The following MBP variants were observed in gnomAD, a reference collection of about 807,000 sequenced individuals.
MBP encodes Golli-MBP.
Under a neutral mutation model 35.8 loss-of-function variants are expected in MBP, and 16 were observed. That is an observed-to-expected ratio of 0.45 (90% CI 0.30 to 0.68). The LOEUF (loss-of-function observed/expected upper bound fraction) is 0.68. Ranked by LOEUF, MBP falls within the 30% of genes least tolerant of loss-of-function variation. The probability of loss-of-function intolerance (pLI) is 0.08; values close to 1 mark genes in which losing one functional copy is unlikely to be tolerated. For missense variants in MBP, 380 were observed against 404.7 expected (o/e 0.94, Z 0.52); for synonymous variants, 143 against 159.6 (o/e 0.90, Z 0.78).
intron 3 of MBP, among the ~76,000 whole-genome samples, chr18:77,032,579 C>T (rs1972584690): frequency 6.6e-6 from 1 of 152,240 alleles, no homozygotes; most frequent in South Asian, 2.1e-4. Flanking sequence ...GCCAGTCACC[C>T]CTGTGAGGCT....
At chr18:77,112,318 T>A (rs1432475194) in intron 1 of MBP, among the ~76,000 whole-genome samples, 1 of 152,170 alleles carries the variant, frequency 6.6e-6, no homozygotes, top group East Asian at 1.9e-4. Context: ...ACTCCTTCCG[T>A]CATCCCGTTC....
chr18:77,033,980 G>T (rs891434616), intron 3 of MBP, among the ~76,000 whole-genome samples: 3 of 143,108 alleles, frequency 2.1e-5, no homozygotes, highest in African/African-American at 8.1e-5. Context: ...GCTCCCCACT[G>T]CACCCCTCAT....
At chr18:77,121,637 A>G (rs995437040) in intron 1 of MBP, among the ~76,000 whole-genome samples, 2 of 152,248 alleles carry the variant, frequency 1.3e-5, no homozygotes, top group African/African-American at 4.8e-5. Flanking sequence ...AAGAGTCATC[A>G]TCTCCCTTTA....
At chr18:77,039,715 T>C (rs1972908058) in intron 3 of MBP, among the ~76,000 whole-genome samples, 1 of 152,148 alleles carries the variant, frequency 6.6e-6, no homozygotes, top group Non-Finnish European at 1.5e-5. Flanking sequence ...AGTTGTTTCT[T>C]AGACAAAAAC....
intron 3 of MBP, among the ~76,000 whole-genome samples, chr18:77,026,954 T>C (rs550710958): frequency 6.6e-6 from 1 of 152,300 alleles, no homozygotes; most frequent in Admixed American, 6.5e-5. Context: ...CAATGAAAAT[T>C]ACCATCCCTC....
At chr18:77,067,767 C>T (rs1054515386) in intron 2 of MBP, 14 of 490,328 alleles carry the variant, frequency 2.9e-5, no homozygotes, top group Non-Finnish European at 8.2e-6. Context: ...TCTCTCATTT[C>T]CTGGGAGCCT....
intron 3 of MBP, among the ~76,000 whole-genome samples, chr18:77,043,601 G>A (rs1299386051): frequency 1.3e-5 from 2 of 152,342 alleles, no homozygotes; most frequent in East Asian, 1.9e-4. Flanking sequence ...ACTCAGCAGC[G>A]TGGACGTCTC....
chr18:77,020,959 G>A lies in MBP; in HGVS notation c.140-3691C>T, dbSNP rs1262460036. Among the ~76,000 whole-genome samples the A allele has an allele frequency of 6.6e-6, 1 of 152,238 alleles. No individual in the cohort carries two copies. Among genetic ancestry groups the A allele is most frequent in the East Asian group, 1.9e-4 (1 of 5,198 alleles). On this transcript the variant is annotated intron_variant, in intron 3 of 8. Transcript: ENST00000355994. This position sits in a 1 kb window ranked among gnomAD's most constrained non-coding sequence, Gnocchi z 4.1. ...GTGAGGAAAAGATGTTTCTCATGTG[G>A]TTTGGTTCACACTAAAAATACTTTG...
intron 3 of MBP, among the ~76,000 whole-genome samples, chr18:77,042,361 C>T (rs1479306938): frequency 6.6e-6 from 1 of 152,212 alleles, no homozygotes; most frequent in East Asian, 1.9e-4. Context: ...GAGCCCATGG[C>T]GTGTCCCACT....
intron 3 of MBP, among the ~76,000 whole-genome samples, chr18:77,048,273 T>C (rs1447673038): frequency 6.6e-6 from 1 of 152,222 alleles, no homozygotes; most frequent in African/African-American, 2.4e-5. Flanking sequence ...TTCTGAGGAC[T>C]GTGCAGAGGT....
chr18:76,984,651 C>T, intron 8 of MBP, 124 bp downstream of exon 8: 10 of 1,370,288 alleles, frequency 7.3e-6, no homozygotes, highest in Non-Finnish European at 9.2e-6. Flanking sequence ...CCTGCTGGGA[C>T]AGAGCACGTC....
In MBP at chr18:77,102,100, G is replaced by A. The variant is rs1976043421; in HGVS notation, c.51+3111C>T. ...GCACTCAGCCGCAGGCTCTATGACAGCAGAGGAAAGAATCATCTAGTGTGG... is the reference window on the plus strand; with the variant it reads ...GCACTCAGCCGCAGGCTCTATGACAACAGAGGAAAGAATCATCTAGTGTGG... On this transcript the variant is annotated intron_variant, in intron 2 of 8. Coordinates refer to ENST00000355994, the MANE Select transcript of MBP (RefSeq NM_001025101.2). This position sits in a 1 kb window ranked among gnomAD's most constrained non-coding sequence, Gnocchi z 4.4. Among the ~76,000 whole-genome samples, 2 of 152,096 alleles carry A rather than the reference G, an allele frequency of 1.3e-5. No homozygotes were observed.
At chr18:77,048,499 C>T (rs921499415) in intron 3 of MBP, among the ~76,000 whole-genome samples, 4 of 152,098 alleles carry the variant, frequency 2.6e-5, no homozygotes, top group Non-Finnish European at 5.9e-5. Context: ...GATGGAGTCT[C>T]GCTCTGTCGC....
At chr18:77,105,353 C>T (rs1976233460) in intron 1 of MBP, 67 bp from the exon 2 acceptor site, 1 of 1,012,930 alleles carries the variant, frequency 9.9e-7, no homozygotes, top group South Asian at 1.3e-5. Flanking sequence ...GTTGTTTTTC[C>T]ATCAGAAAGA....
chr18:77,016,083 C>A, intron 4 of MBP: 1 of 985,348 alleles, frequency 1.0e-6, no homozygotes. Context: ...TTTGATGAAC[C>A]AGCAGCCACA....
chr18:77,106,347 T>A (rs931065657), intron 1 of MBP, among the ~76,000 whole-genome samples: 2 of 152,188 alleles, frequency 1.3e-5, no homozygotes, highest in Non-Finnish European at 1.5e-5. Context: ...GGGTCCCTTT[T>A]TGGTGGCTCA....
In MBP at chr18:76,988,667, A is replaced by C; in HGVS notation, c.718-140T>G. 6.8e-7 allele frequency: 1 copy of C among 1,468,854 alleles called. No homozygotes were observed. The highest frequency in any genetic ancestry group is 9.1e-7 in the Non-Finnish European group (1 of 1,097,828). 91.0% of individuals were successfully genotyped at this position (1,468,854 alleles called of 1,614,324 possible). On this transcript the variant is annotated intron_variant, in intron 6 of 8. Transcript: ENST00000355994. This position sits in a 1 kb window ranked among gnomAD's most constrained non-coding sequence, Gnocchi z 5.2. ...CACCCGGAGCTCCGAGGGGGGCCGC[A>C]GGCTCAGGGCCACAGCGGCTGTGCA...
chr18:76,988,166 G>A lies in MBP; in HGVS notation c.750+329C>T. ...TCTCGCACTGGTTGTGTTGGAGGAA[G>A]TTAAACATTTTCTCGGACGTGGTGT... On this transcript the variant is annotated intron_variant, in intron 7 of 8. Coordinates refer to ENST00000355994, the MANE Select transcript of MBP (RefSeq NM_001025101.2). The surrounding 1 kb of genome is among the most constrained non-coding windows in gnomAD (Gnocchi z 5.2). The A allele has an allele frequency of 6.5e-7, 1 of 1,539,642 alleles. No homozygotes were observed. The highest frequency in any genetic ancestry group is 8.7e-7 in the Non-Finnish European group (1 of 1,146,780).
intron 4 of MBP, among the ~76,000 whole-genome samples, chr18:77,012,227 C>T (rs1450972884): frequency 6.6e-6 from 1 of 152,240 alleles, no homozygotes; most frequent in Non-Finnish European, 1.5e-5. Context: ...GCACCATCCC[C>T]TCATTTCAGT....
Sources: gnomAD v4.1 joint callset for allele counts (sites outside exome capture counted in the v4.1 genomes callset) on GRCh38, gnomAD v4.1.1 for gene constraint, Gnocchi (gnomAD v3.1) non-coding constraint, MANE v1.5 for transcripts, NCBI Gene and HGNC (gene_info 2026-07-23, HGNC 2026-07-21) for gene names.